The following FAM117B variants were observed in gnomAD, a reference collection of about 807,000 sequenced individuals.
FAM117B encodes the protein protein FAM117B.
Under a neutral mutation model 52.8 loss-of-function variants are expected in FAM117B, and 22 were observed. That is an observed-to-expected ratio of 0.42 (90% CI 0.30 to 0.59). The LOEUF (loss-of-function observed/expected upper bound fraction) is 0.59, where lower values mean the gene tolerates loss of function less well. FAM117B is among the 20% of genes least tolerant of loss of function. The pLI is 0.22. For synonymous variants in FAM117B, 309 were observed against 324.1 expected (o/e 0.95, Z 0.50); for missense variants, 678 against 802.6 (o/e 0.84, Z 1.88).
chr2:202,679,510 A>G lies in FAM117B; in HGVS notation c.602-16371A>G, dbSNP rs190019602. On this transcript the variant is annotated intron_variant, in intron 1 of 7. Transcript: ENST00000392238. ...GAAACTCCATTAGGCTGGACAAGGAATGACTGAGGAGCTCTATGTTAAGTA... is the reference window on the plus strand; with the variant it reads ...GAAACTCCATTAGGCTGGACAAGGAGTGACTGAGGAGCTCTATGTTAAGTA... Among the ~76,000 whole-genome samples, 141 of 152,352 alleles carry G rather than the reference A, an allele frequency of 9.3e-4. 1 individual carries two copies. The highest frequency in any genetic ancestry group is 7.1e-3 in the Admixed American group (109 of 15,294).
chr2:202,756,708 C>T (rs1275045148), intron 5 of FAM117B, among the ~76,000 whole-genome samples: 1 of 152,010 alleles, frequency 6.6e-6, no homozygotes, highest in Admixed American at 6.6e-5. Flanking sequence ...GCTAAGTGAT[C>T]CACACAGGCT....
rs543352793 is a variant in FAM117B, at chr2:202,665,628, T to A, written c.601+29840T>A. 2.6e-5 allele frequency among the ~76,000 whole-genome samples: 4 copies of A among 151,864 alleles called. No homozygotes were observed. The East Asian group carries it at 7.8e-4, about 30-fold the overall frequency. On this transcript the variant is annotated intron_variant, in intron 1 of 7. Transcript: ENST00000392238. ...TTTTGTTGTTGTTGTTGAGACAGAG[T>A]CTCACTCTATCACCCAGGCTGGAGT...
intron 2 of FAM117B, among the ~76,000 whole-genome samples, chr2:202,699,445 A>AG (rs1559104944): frequency 8.6e-4 from 112 of 129,880 alleles, no homozygotes; most frequent in African/African-American, 3.4e-3. Flanking sequence ...AAAAAAAAAA[A>AG]AAAGAAAAAA....
intron 2 of FAM117B, among the ~76,000 whole-genome samples, chr2:202,707,345 T>C (rs1438253888): frequency 6.6e-6 from 1 of 151,594 alleles, no homozygotes; most frequent in African/African-American, 2.4e-5. Flanking sequence ...CCACTGGGCC[T>C]GGCCCATTAA....
chr2:202,742,968 A>AC (rs1218006910), intron 4 of FAM117B, among the ~76,000 whole-genome samples: 4 of 152,158 alleles, frequency 2.6e-5, no homozygotes, highest in Non-Finnish European at 5.9e-5. Context: ...CTGGAGACTG[A>AC]CCTACTCAGT....
At position 202,767,277 on chromosome 2, in the gene FAM117B, C is replaced by G. The variant is rs1574310259; in HGVS notation, c.*1513C>G. 6.6e-6 allele frequency: 1 copy of G among 151,978 alleles called. No individual in the cohort carries two copies. The allele number at this position is 151,978 out of a possible 1,614,324, so 9.4% of individuals were successfully genotyped here. A position where few individuals can be genotyped will look rare whatever the true frequency, so the allele number is the denominator to read the frequency against. ...CCAGGTTCAAGCAGTTCTCCTGCCT[C>G]AGCCTCCCAAGTAGCTGGGATTACA... On this transcript the variant is annotated 3_prime_UTR_variant, in exon 8 of 8. Coordinates refer to ENST00000392238, the MANE Select transcript of FAM117B (RefSeq NM_173511.4).
chr2:202,696,775 A>G (rs1291137862), intron 2 of FAM117B, among the ~76,000 whole-genome samples: 1 of 152,204 alleles, frequency 6.6e-6, no homozygotes, highest in African/African-American at 2.4e-5. Flanking sequence ...ATCTCAAGAA[A>G]TCATTCAGGG....
chr2:202,754,608 G>A (rs774898611), intron 4 of FAM117B, among the ~76,000 whole-genome samples: 24 of 152,084 alleles, frequency 1.6e-4, no homozygotes, highest in Non-Finnish European at 2.8e-4. Context: ...GAAAACAGGG[G>A]CTGTGCATGG....
intron 5 of FAM117B, 63 bp downstream of exon 5, chr2:202,755,744 T>A (rs1253795714): frequency 5.4e-6 from 8 of 1,483,634 alleles, no homozygotes; most frequent in Non-Finnish European, 7.3e-6. Flanking sequence ...ATGCACAGTT[T>A]GGGTTTCCAT....
At chr2:202,742,324 A>G (rs1199464470) in intron 4 of FAM117B, among the ~76,000 whole-genome samples, 1 of 152,230 alleles carries the variant, frequency 6.6e-6, no homozygotes, top group African/African-American at 2.4e-5. Flanking sequence ...CAAGTAAAGC[A>G]ATGTGCTACT....
intron 1 of FAM117B, among the ~76,000 whole-genome samples, chr2:202,693,723 T>C (rs1690667601): frequency 6.6e-6 from 1 of 152,054 alleles, no homozygotes; most frequent in African/African-American, 2.4e-5. Context: ...AATGAGTCTT[T>C]AGATCAGGAC....
At chr2:202,718,277 ACTGTGGCCAAG>A (rs1691088980) in intron 2 of FAM117B, among the ~76,000 whole-genome samples, 1 of 152,182 alleles carries the variant, frequency 6.6e-6, no homozygotes, top group African/African-American at 2.4e-5. Flanking sequence ...GCTCTCTGCC[ACTGTGGCCAAG>A]CTGGTACCTA....
At chr2:202,764,015 C>A (rs1029744379) in intron 7 of FAM117B, among the ~76,000 whole-genome samples, 3 of 152,164 alleles carry the variant, frequency 2.0e-5, no homozygotes, top group Non-Finnish European at 2.9e-5. Context: ...CGGTCTTAAC[C>A]TCTTCTGTGC....
chr2:202,742,825 G>T (rs1249362197), intron 4 of FAM117B, among the ~76,000 whole-genome samples: 1 of 152,150 alleles, frequency 6.6e-6, no homozygotes, highest in Non-Finnish European at 1.5e-5. Context: ...TGCTACCAGT[G>T]CATGCATGCA....
At chr2:202,643,006 C>A (rs1477358428) in intron 1 of FAM117B, among the ~76,000 whole-genome samples, 1 of 152,120 alleles carries the variant, frequency 6.6e-6, no homozygotes, top group East Asian at 1.9e-4. Context: ...GTAGGCTGAG[C>A]CTGGAGAATA....
rs568838352 is a variant in FAM117B at position 202,643,957 on chromosome 2, G to T, written c.601+8169G>T. ...ACTCCTGGCCTCAAGTGATCCACCC[G>T]CCTTGGCCTCCCAAAATGCTGGAAT... On this transcript the variant is annotated intron_variant, in intron 1 of 7. Coordinates refer to ENST00000392238, the MANE Select transcript of FAM117B (RefSeq NM_173511.4). 2.0e-5 allele frequency among the ~76,000 whole-genome samples: 3 copies of T among 151,008 alleles called. No homozygotes were observed. The South Asian group carries it at 6.3e-4, about 32-fold the overall frequency.
intron 1 of FAM117B, 103 bp downstream of exon 1, chr2:202,635,891 G>A (rs1689677797): frequency 1.6e-6 from 2 of 1,217,354 alleles, no homozygotes; most frequent in South Asian, 6.2e-5. Flanking sequence ...GCGGAGCCCG[G>A]GTGGCTGGGG....
chr2:202,637,515 C>T (rs1689707220), intron 1 of FAM117B, among the ~76,000 whole-genome samples: 1 of 152,188 alleles, frequency 6.6e-6, no homozygotes, highest in Admixed American at 6.5e-5. Flanking sequence ...CCTTGGCCTC[C>T]CAAAGTGCTA....
intron 4 of FAM117B, among the ~76,000 whole-genome samples, chr2:202,739,381 C>T (rs1447492292): frequency 1.3e-5 from 2 of 151,696 alleles, no homozygotes; most frequent in Non-Finnish European, 2.9e-5. Flanking sequence ...TTTCCCTTTT[C>T]CTTCCCTTTC....
Sources: gnomAD v4.1 joint callset for allele counts (sites outside exome capture counted in the v4.1 genomes callset) on GRCh38, gnomAD v4.1.1 for gene constraint, MANE v1.5 for transcripts, NCBI Gene and HGNC (gene_info 2026-07-23, HGNC 2026-07-21) for gene names.